The following TRABD2B variants were observed in gnomAD, a reference collection of about 807,000 sequenced individuals.
The protein encoded by TRABD2B is metalloprotease TIKI2.
In TRABD2B, 14 loss-of-function variants were observed where a neutral mutation model predicts 40.1. The observed-to-expected ratio is 0.35, with a 90% CI of 0.23 to 0.55. The LOEUF is 0.55. Among genes scored for constraint, TRABD2B ranks in the 20% least tolerant of loss-of-function variants. TRABD2B has a pLI of 0.90. For missense variants in TRABD2B, 541 were observed against 648.6 expected, an observed-to-expected ratio of 0.83 and a Z score of 1.80; for synonymous variants, 263 against 277.0, an observed-to-expected ratio of 0.95 and a Z score of 0.50.
chr1:47,816,226 T>A (rs1218807410), intron 2 of TRABD2B, among the ~76,000 whole-genome samples: 2 of 152,152 alleles, frequency 1.3e-5, no homozygotes, highest in Non-Finnish European at 2.9e-5. Context: ...GCATCTTGAA[T>A]CCTGAGCAGC....
intron 2 of TRABD2B, among the ~76,000 whole-genome samples, chr1:47,982,362 T>C (rs1008368927): frequency 6.6e-6 from 1 of 152,218 alleles, no homozygotes; most frequent in Non-Finnish European, 1.5e-5. Context: ...CTCAGCTGTG[T>C]GGTTTATATG....
intron 6 of TRABD2B, among the ~76,000 whole-genome samples, chr1:47,769,545 C>T (rs1037969454): frequency 6.6e-6 from 1 of 152,206 alleles, no homozygotes; most frequent in African/African-American, 2.4e-5. Flanking sequence ...CCTCCAAATG[C>T]CCCCAGCCCA....
intron 2 of TRABD2B, among the ~76,000 whole-genome samples, chr1:47,856,234 C>A (rs1220678206): frequency 6.6e-6 from 1 of 152,224 alleles, no homozygotes; most frequent in African/African-American, 2.4e-5. Context: ...ACCCCTTCCA[C>A]ACACACTGTG....
chr1:47,826,408 G>T (rs932386639), intron 2 of TRABD2B, among the ~76,000 whole-genome samples: 1 of 151,944 alleles, frequency 6.6e-6, no homozygotes, highest in Admixed American at 6.6e-5. Flanking sequence ...GATATATAAT[G>T]TATTTTACAT....
chr1:47,781,518 G>A (rs559898062), intron 4 of TRABD2B, among the ~76,000 whole-genome samples: 11 of 152,290 alleles, frequency 7.2e-5, no homozygotes, highest in Middle Eastern at 3.4e-3. Flanking sequence ...GTGTCTGGCC[G>A]GCGTTCCTAT....
At chr1:47,929,474 T>G (rs2124757361) in intron 2 of TRABD2B, among the ~76,000 whole-genome samples, 1 of 152,320 alleles carries the variant, frequency 6.6e-6, no homozygotes, top group South Asian at 2.1e-4. Context: ...TGCTCCCCAT[T>G]TCATTCTCAG....
intron 2 of TRABD2B, among the ~76,000 whole-genome samples, chr1:47,872,455 C>A (rs998926168): frequency 9.9e-5 from 15 of 152,152 alleles, no homozygotes; most frequent in African/African-American, 3.6e-4. Context: ...CCAGGCCCCA[C>A]AAGGAACAGG....
intron 2 of TRABD2B, among the ~76,000 whole-genome samples, chr1:47,827,696 C>T (rs1413754307): frequency 1.3e-5 from 2 of 152,236 alleles, no homozygotes; most frequent in East Asian, 1.9e-4. Flanking sequence ...GGGACAACCA[C>T]CAACACTTTG....
chr1:47,895,274 C>G (rs1327508851), intron 2 of TRABD2B, among the ~76,000 whole-genome samples: 3 of 152,160 alleles, frequency 2.0e-5, no homozygotes, highest in Non-Finnish European at 4.4e-5. Context: ...CCAGGAAGCC[C>G]AGCCCAACAC....
chr1:47,836,116 G>A lies in TRABD2B; in HGVS notation c.667-34497C>T, dbSNP rs563452532. Reference sequence around the variant, plus strand: ...ATATTAATATGAATTTATAATTCTCGGGGCAACTACTAGGAAAACTAACTC... The same window carrying A: ...ATATTAATATGAATTTATAATTCTCAGGGCAACTACTAGGAAAACTAACTC... On this transcript the variant is annotated intron_variant, in intron 2 of 6. Transcript: ENST00000606738. Among the ~76,000 whole-genome samples, 82 of 152,116 alleles carry A rather than the reference G, an allele frequency of 5.4e-4. 1 individual carries two copies. The highest frequency in any genetic ancestry group is 3.4e-3 in the Middle Eastern group (1 of 292).
At chr1:47,779,712 C>T (rs899651038) in intron 4 of TRABD2B, among the ~76,000 whole-genome samples, 1 of 152,098 alleles carries the variant, frequency 6.6e-6, no homozygotes, top group African/African-American at 2.4e-5. Context: ...TGGGCCCCTC[C>T]TGCCATGGGC....
chr1:47,798,536 G>A (rs1644778252), intron 3 of TRABD2B, among the ~76,000 whole-genome samples: 1 of 152,188 alleles, frequency 6.6e-6, no homozygotes, highest in Admixed American at 6.5e-5. Context: ...GCAGGCCAAG[G>A]ATGAGGTGCC....
chr1:47,794,673 A>G lies in TRABD2B; in HGVS notation c.901T>C (p.Tyr301His), dbSNP rs1569957097. 1 of 1,536,502 alleles carries G rather than the reference A, an allele frequency of 6.5e-7. No homozygotes were observed. Among genetic ancestry groups the G allele is most frequent in the Admixed American group, 2.0e-5 (1 of 50,992 alleles). Reference sequence around the variant, plus strand: ...TTCCCCATGCGCTCATTCCTCTTGTAGATGAGCTCCTGGCGGAAGTAGCTG... The same window carrying G: ...TTCCCCATGCGCTCATTCCTCTTGTGGATGAGCTCCTGGCGGAAGTAGCTG... ...IDSYFRQELI[Y>H]KRNERMGKRV... The change falls in exon 4 of 7, where the codon TAC becomes CAC. Residue 301 changes from tyrosine to histidine, a missense_variant. This residue lies in a region of TRABD2B where 369 missense variants were observed against 492.8 expected (regional missense o/e 0.75). Coordinates refer to ENST00000606738, the MANE Select transcript of TRABD2B (RefSeq NM_001194986.2).
At chr1:47,812,632 T>C (rs1644980694) in intron 2 of TRABD2B, among the ~76,000 whole-genome samples, 1 of 152,130 alleles carries the variant, frequency 6.6e-6, no homozygotes, top group Admixed American at 6.5e-5. Flanking sequence ...GGTGAGAGGA[T>C]TGCCTGAGGC....
chr1:47,966,390 T>C (rs1406659977), intron 2 of TRABD2B, among the ~76,000 whole-genome samples: 1 of 152,154 alleles, frequency 6.6e-6, no homozygotes. Context: ...TTAAGGTGAA[T>C]ATCTCACCTG....
chr1:47,919,268 G>A (rs1264845376), intron 2 of TRABD2B, among the ~76,000 whole-genome samples: 1 of 152,262 alleles, frequency 6.6e-6, no homozygotes, highest in Admixed American at 6.5e-5. Flanking sequence ...AGTGAATGGA[G>A]TAAGTGGTGG....
chr1:47,858,196 T>C (rs1643915355), intron 2 of TRABD2B, among the ~76,000 whole-genome samples: 1 of 148,214 alleles, frequency 6.7e-6, no homozygotes, highest in African/African-American at 2.5e-5. Flanking sequence ...CATTCATTCT[T>C]TATTTTACTT....
chr1:47,812,125 A>G (rs1440514239), intron 2 of TRABD2B, among the ~76,000 whole-genome samples: 1 of 152,064 alleles, frequency 6.6e-6, no homozygotes, highest in East Asian at 1.9e-4. Context: ...TGAATCTTCT[A>G]TTTCTATTCT....
chr1:47,792,348 G>T (rs1352481755), intron 4 of TRABD2B, among the ~76,000 whole-genome samples: 3 of 152,224 alleles, frequency 2.0e-5, no homozygotes, highest in African/African-American at 7.2e-5. Context: ...ATGATTAAGT[G>T]GTGCCCCACC....
Sources: gnomAD v4.1 joint callset for allele counts (sites outside exome capture counted in the v4.1 genomes callset) on GRCh38, gnomAD v4.1.1 for gene constraint, gnomAD v4.1.1 regional missense constraint, MANE v1.5 for transcripts, NCBI Gene and HGNC (gene_info 2026-07-23, HGNC 2026-07-21) for gene names.